The following DESI1 variants were observed in gnomAD, a reference collection of about 807,000 sequenced individuals.
DESI1 encodes the protein PPPDE peptidase domain containing 2.
A neutral mutation model predicts 22.4 loss-of-function variants in DESI1; 17 were observed. That is an observed-to-expected ratio of 0.76 (90% CI 0.52 to 1.14). DESI1 has a LOEUF of 1.14. DESI1 is among the 50% of genes most tolerant of loss of function. The pLI, the probability that DESI1 is intolerant of heterozygous loss-of-function variation, is 0.00. For missense variants in DESI1, 177 were observed against 208.9 expected, an observed-to-expected ratio of 0.85 and a Z score of 0.94; for synonymous variants, 92 against 84.2, an observed-to-expected ratio of 1.09 and a Z score of -0.51.
intron 4 of DESI1, among the ~76,000 whole-genome samples, 177 bp from the exon 5 acceptor site, chr22:41,603,558 T>G (rs1222278770): frequency 6.6e-6 from 1 of 152,250 alleles, no homozygotes. Flanking sequence ...ATAACTGATT[T>G]TTAAGGGAAG....
At chr22:41,618,487 G>C (rs1057130917) in intron 1 of DESI1, among the ~76,000 whole-genome samples, 1 of 152,046 alleles carries the variant, frequency 6.6e-6, no homozygotes, top group African/African-American at 2.4e-5. Context: ...TCCCCCATTA[G>C]ATAGCTCCAT....
intron 5 of DESI1, chr22:41,602,953 G>A: frequency 1.8e-6 from 1 of 559,454 alleles, no homozygotes; most frequent in Middle Eastern, 6.2e-4. Flanking sequence ...GGAGTGGCAT[G>A]CTTCGAGCAC....
At chr22:41,601,773 G>A (rs1340857684) in intron 5 of DESI1, among the ~76,000 whole-genome samples, 1 of 152,130 alleles carries the variant, frequency 6.6e-6, no homozygotes, top group Non-Finnish European at 1.5e-5. Context: ...GAGTGCAATG[G>A]CGTGATCTCG....
At chr22:41,618,922 G>A (rs2067565603) in intron 1 of DESI1, among the ~76,000 whole-genome samples, 1 of 152,130 alleles carries the variant, frequency 6.6e-6, no homozygotes, top group Non-Finnish European at 1.5e-5. Context: ...AAATTAGCCG[G>A]CTGTGGTGGC....
At chr22:41,601,355 C>T (rs1311876476) in intron 5 of DESI1, among the ~76,000 whole-genome samples, 165 bp from the exon 6 acceptor site, 2 of 152,222 alleles carry the variant, frequency 1.3e-5, no homozygotes, top group Non-Finnish European at 2.9e-5. Context: ...AAGTTTCCCA[C>T]CTGCCTCACA....
chr22:41,602,980 G>A (rs910212062), intron 5 of DESI1: 45 of 579,116 alleles, frequency 7.8e-5, no homozygotes, highest in South Asian at 6.6e-4. Flanking sequence ...AAGGACAGAC[G>A]CCAGAATTTT....
intron 1 of DESI1, among the ~76,000 whole-genome samples, chr22:41,608,224 G>C (rs2067494200): frequency 6.6e-6 from 1 of 152,146 alleles, no homozygotes; most frequent in Non-Finnish European, 1.5e-5. Flanking sequence ...TTTCTTCATT[G>C]AGGTGAAATC....
At chr22:41,615,272 T>TAA (rs58574960) in intron 1 of DESI1, among the ~76,000 whole-genome samples, 11 of 108,480 alleles carry the variant, frequency 1.0e-4, no homozygotes, top group African/African-American at 2.5e-4. Context: ...TACTAAAAAT[T>TAA]AAAAAAAAAA....
chr22:41,606,891 T>A (rs1026996699), intron 3 of DESI1, among the ~76,000 whole-genome samples: 14 of 151,488 alleles, frequency 9.2e-5, no homozygotes, highest in Admixed American at 2.6e-4. Flanking sequence ...TTTGGGCAAG[T>A]CTTGATGCTT....
chr22:41,620,933 G>A lies in DESI1; in HGVS notation c.-94C>T. ...CCGACGGGAGTGCGAAGCGGAGGGAGAGGGGGGGACCGAGCCCGGGCCCGG... is the reference window on the plus strand; with the variant it reads ...CCGACGGGAGTGCGAAGCGGAGGGAAAGGGGGGGACCGAGCCCGGGCCCGG... On this transcript the variant is annotated 5_prime_UTR_variant, in exon 1 of 6. Coordinates refer to ENST00000263256, the MANE Select transcript of DESI1 (RefSeq NM_015704.3). 1.4e-6 allele frequency: 2 copies of A among 1,444,370 alleles called. No individual in the cohort carries two copies. The highest frequency in any genetic ancestry group is 1.8e-4 in the Middle Eastern group (1 of 5,682). 89.5% of individuals were successfully genotyped at this position (1,444,370 alleles called of 1,614,324 possible). A position where few individuals can be genotyped will look rare whatever the true frequency, so the allele number is the denominator to read the frequency against.
At chr22:41,603,499 C>G in intron 4 of DESI1, 118 bp from the exon 5 acceptor site, 1 of 1,465,314 alleles carries the variant, frequency 6.8e-7, no homozygotes, top group South Asian at 1.3e-5. Flanking sequence ...GCGATTTCCC[C>G]CGTCTCATAC....
chr22:41,616,386 A>G (rs956845492), intron 1 of DESI1, among the ~76,000 whole-genome samples: 1 of 152,228 alleles, frequency 6.6e-6, no homozygotes, highest in Admixed American at 6.5e-5. Flanking sequence ...AGCAATTTAT[A>G]TATTCTATGT....
chr22:41,610,282 G>A (rs1258953757), intron 1 of DESI1, among the ~76,000 whole-genome samples: 4 of 151,470 alleles, frequency 2.6e-5, no homozygotes, highest in Non-Finnish European at 5.9e-5. Context: ...GGGAAGCTGA[G>A]GCAGGAAAAT....
intron 5 of DESI1, 41 bp from the exon 6 acceptor site, chr22:41,601,231 T>C: frequency 6.4e-7 from 1 of 1,551,400 alleles, no homozygotes; most frequent in Non-Finnish European, 8.7e-7. Flanking sequence ...GGCTCTGGGA[T>C]GTGGCCTGCT....
chr22:41,616,208 A>G (rs941785189), intron 1 of DESI1, among the ~76,000 whole-genome samples: 1 of 152,146 alleles, frequency 6.6e-6, no homozygotes, highest in Non-Finnish European at 1.5e-5. Context: ...GTGTCATTAC[A>G]CTCCAGCCTG....
At position 41,603,084 on chromosome 22, in the gene DESI1, A is replaced by G. The variant is rs574125332; in HGVS notation, c.413+175T>C. ...CTGGTCTAGCTCTGAAGGTGGAGGT[A>G]ATACAGGTGCGCATCAGTGGGTGGA... On this transcript the variant is annotated intron_variant, in intron 5 of 5. Transcript: ENST00000263256. 1.6e-5 allele frequency: 15 copies of G among 928,564 alleles called. No homozygotes were observed. In the East Asian group the frequency reaches 4.0e-4, roughly 25 times the overall value. The allele number at this position is 928,564 out of a possible 1,614,324, so 57.5% of individuals were successfully genotyped here.
rs2147035748 is a variant in DESI1, at chr22:41,600,846, A to G, written c.*251T>C. On this transcript the variant is annotated 3_prime_UTR_variant, in exon 6 of 6. Coordinates refer to ENST00000263256, the MANE Select transcript of DESI1 (RefSeq NM_015704.3). ...GTGTGGAGGACGCTTAGGAAACAGC[A>G]TCCGAAGTGAACGCACAGACAAGAC... 2.3e-6 allele frequency: 1 copy of G among 426,402 alleles called. No individual in the cohort carries two copies. The highest frequency in any genetic ancestry group is 4.3e-6 in the Non-Finnish European group (1 of 233,280). 26.4% of individuals were successfully genotyped at this position (426,402 alleles called of 1,614,324 possible). A position where few individuals can be genotyped will look rare whatever the true frequency, so the allele number is the denominator to read the frequency against.
chr22:41,613,089 G>A (rs1004404909), intron 1 of DESI1, among the ~76,000 whole-genome samples: 4 of 152,114 alleles, frequency 2.6e-5, no homozygotes, highest in African/African-American at 9.7e-5. Context: ...ACCACATGTG[G>A]CTATTTAAGT....
At chr22:41,606,609 T>C (rs2067482367) in intron 3 of DESI1, among the ~76,000 whole-genome samples, 1 of 151,456 alleles carries the variant, frequency 6.6e-6, no homozygotes, top group Non-Finnish European at 1.5e-5. Context: ...CCGTATCTAC[T>C]AAAATATACA....
Sources: allele counts gnomAD v4.1 joint callset (sites outside exome capture counted in the v4.1 genomes callset), GRCh38; gene constraint gnomAD v4.1.1; transcripts MANE v1.5; gene names NCBI Gene and HGNC (gene_info 2026-07-23, HGNC 2026-07-21).